Variants in CTDSPL observed in about 807,000 individuals in gnomAD.
CTDSPL encodes the protein CTD small phosphatase like.
CTDSPL carries 8 observed loss-of-function variants against 30.5 expected under a neutral mutation model. The ratio of observed to expected loss-of-function variants is 0.26; its 90% CI spans 0.15 to 0.47. The LOEUF (loss-of-function observed/expected upper bound fraction) is 0.47, where lower values mean the gene tolerates loss of function less well. Among genes scored for constraint, CTDSPL ranks in the 20% least tolerant of loss-of-function variants. CTDSPL has a pLI of 0.99. For missense variants in CTDSPL, 248 were observed against 366.1 expected (o/e 0.68, Z 2.63); for synonymous variants, 110 against 137.9 (o/e 0.80, Z 1.42).
intron 1 of CTDSPL, among the ~76,000 whole-genome samples, chr3:37,888,175 TCTC>T (rs1698284076): frequency 6.6e-6 from 1 of 152,164 alleles, no homozygotes. Flanking sequence ...AGGAAAAACA[TCTC>T]CTGACATTTA....
At chr3:37,932,502 G>A (rs1326153084) in intron 1 of CTDSPL, among the ~76,000 whole-genome samples, 2 of 152,038 alleles carry the variant, frequency 1.3e-5, no homozygotes, top group Non-Finnish European at 2.9e-5. Flanking sequence ...ATAGAAAAAT[G>A]GGCAAAAAAA....
At chr3:37,890,939 A>G (rs1271178333) in intron 1 of CTDSPL, among the ~76,000 whole-genome samples, 1 of 152,220 alleles carries the variant, frequency 6.6e-6, no homozygotes, top group Non-Finnish European at 1.5e-5. Flanking sequence ...AGGAAATTCT[A>G]TCTGAAATCC....
intron 1 of CTDSPL, among the ~76,000 whole-genome samples, chr3:37,928,500 T>TTG (rs1215277390): frequency 6.6e-6 from 1 of 152,230 alleles, no homozygotes; most frequent in Non-Finnish European, 1.5e-5. Flanking sequence ...GTGCACCTTC[T>TTG]TATATACCTG....
chr3:37,940,293 T>G (rs896997424), intron 1 of CTDSPL, among the ~76,000 whole-genome samples: 2 of 150,512 alleles, frequency 1.3e-5, no homozygotes, highest in African/African-American at 4.8e-5. Context: ...TGGTCAATGC[T>G]TCTGTACCAC....
rs115947519 is a variant in CTDSPL, at chr3:37,941,795, T to C, written c.80-5262T>C. On this transcript the variant is annotated intron_variant, in intron 1 of 7. Transcript: ENST00000273179. ...GAAAATGGCAGCATGTTGTAGCCTA[T>C]TGGGGGACCCGGCAGGGGAGACTGC... Among the ~76,000 whole-genome samples the C allele has an allele frequency of 4.7e-3, 710 of 150,474 alleles. 24 individuals carry two copies. The highest frequency in any genetic ancestry group is 0.016 in the African/African-American group (663 of 41,424).
intron 1 of CTDSPL, among the ~76,000 whole-genome samples, chr3:37,919,737 T>TAGTG (rs1049704789): frequency 5.6e-4 from 86 of 152,218 alleles, no homozygotes; most frequent in Middle Eastern, 3.4e-3. Flanking sequence ...TTCCTCAGGA[T>TAGTG]AGTGGAGTCT....
intron 1 of CTDSPL, among the ~76,000 whole-genome samples, chr3:37,893,199 C>T (rs567393008): frequency 6.6e-6 from 1 of 152,278 alleles, no homozygotes; most frequent in African/African-American, 2.4e-5. Flanking sequence ...GTTTGGATGT[C>T]AGAGGCTAGT....
intron 1 of CTDSPL, among the ~76,000 whole-genome samples, chr3:37,938,679 G>GTTTT (rs11427503): frequency 4.2e-5 from 6 of 143,586 alleles, no homozygotes; most frequent in South Asian, 2.3e-4. Flanking sequence ...TTTTTTGTGG[G>GTTTT]TTTTTTTTTT....
At chr3:37,928,272 A>T (rs917062650) in intron 1 of CTDSPL, among the ~76,000 whole-genome samples, 1 of 152,236 alleles carries the variant, frequency 6.6e-6, no homozygotes, top group Admixed American at 6.5e-5. Flanking sequence ...ATTACATGGT[A>T]GTTCTACTTT....
intron 1 of CTDSPL, among the ~76,000 whole-genome samples, chr3:37,897,615 AC>A (rs1433124496): frequency 6.6e-6 from 1 of 152,192 alleles, no homozygotes; most frequent in African/African-American, 2.4e-5. Flanking sequence ...AATGTATTGA[AC>A]CATTGGGTGA....
At position 37,862,208 on chromosome 3, in the gene CTDSPL, C is replaced by T. The variant is rs1697948764; in HGVS notation, c.9C>T (p.Gly3=). 4 of 1,427,104 alleles carry T rather than the reference C, an allele frequency of 2.8e-6. No individual in the cohort carries two copies. Among genetic ancestry groups the T allele is most frequent in the Non-Finnish European group, 3.7e-6 (4 of 1,089,476 alleles). The allele number at this position is 1,427,104 out of a possible 1,614,324, so 88.4% of individuals were successfully genotyped here. A position where few individuals can be genotyped will look rare whatever the true frequency, so the allele number is the denominator to read the frequency against. Residue 3 remains glycine (G), a synonymous_variant, in exon 1 of 8, where the codon GGC becomes GGT. Coordinates refer to ENST00000273179, the MANE Select transcript of CTDSPL (RefSeq NM_001008392.2). The surrounding 1 kb of genome is among the most constrained non-coding windows in gnomAD (Gnocchi z 4.3). The stretch of plus-strand genomic sequence containing the variant: ...CGCCGCGCCGCGCACCCATGGACGG[C>T]CCGGCCATCATCACCCAGGTGACCA... MD[G]PAIITQVTNP... is the part of the protein sequence containing the mutation.
intron 1 of CTDSPL, among the ~76,000 whole-genome samples, chr3:37,942,784 A>G (rs1388282045): frequency 6.6e-6 from 1 of 150,578 alleles, no homozygotes; most frequent in Non-Finnish European, 1.5e-5. Flanking sequence ...CAAAGAAGTC[A>G]CACAACTTGC....
chr3:37,889,217 G>C (rs1698296366), intron 1 of CTDSPL, among the ~76,000 whole-genome samples: 1 of 152,058 alleles, frequency 6.6e-6, no homozygotes, highest in Admixed American at 6.6e-5. Context: ...ACAGGACGTG[G>C]ACCACACTGT....
chr3:37,907,996 G>C (rs113189546), intron 1 of CTDSPL, among the ~76,000 whole-genome samples: 1 of 152,318 alleles, frequency 6.6e-6, no homozygotes, highest in Non-Finnish European at 1.5e-5. Context: ...AAGTCTGCAG[G>C]GTTTTGTTTT....
At chr3:37,929,937 G>A (rs1423802766) in intron 1 of CTDSPL, among the ~76,000 whole-genome samples, 1 of 151,938 alleles carries the variant, frequency 6.6e-6, no homozygotes, top group Admixed American at 6.6e-5. Flanking sequence ...ATGAAACCCT[G>A]TCTCAACTAA....
intron 2 of CTDSPL, among the ~76,000 whole-genome samples, chr3:37,948,249 A>C (rs1486446957): frequency 6.6e-6 from 1 of 152,138 alleles, no homozygotes; most frequent in Non-Finnish European, 1.5e-5. Flanking sequence ...ACGCCACTGC[A>C]CTCCAGCCTG....
intron 3 of CTDSPL, among the ~76,000 whole-genome samples, chr3:37,961,108 G>T (rs1699240156): frequency 6.6e-6 from 1 of 152,088 alleles, no homozygotes; most frequent in Non-Finnish European, 1.5e-5. Flanking sequence ...AATGTATGTT[G>T]GTGTAAGGCA....
intron 1 of CTDSPL, among the ~76,000 whole-genome samples, chr3:37,873,398 C>A (rs1361813044): frequency 6.6e-6 from 1 of 152,182 alleles, no homozygotes; most frequent in East Asian, 1.9e-4. Context: ...TCGGTTTTCT[C>A]CCATAGCCAG....
intron 1 of CTDSPL, among the ~76,000 whole-genome samples, chr3:37,931,506 CTTAA>C (rs150225317): frequency 1.7e-3 from 256 of 152,186 alleles, no homozygotes; most frequent in African/African-American, 5.8e-3. Context: ...TCCATTTGTG[CTTAA>C]TTATGATAGG....
Sources: gnomAD v4.1 joint callset for allele counts (sites outside exome capture counted in the v4.1 genomes callset) on GRCh38, gnomAD v4.1.1 for gene constraint, Gnocchi (gnomAD v3.1) non-coding constraint, MANE v1.5 for transcripts, NCBI Gene and HGNC (gene_info 2026-07-23, HGNC 2026-07-21) for gene names.